Variants in ZNF487 observed in about 807,000 individuals in gnomAD.
The protein encoded by ZNF487 is zinc finger protein 487.
In ZNF487, 4 loss-of-function variants were observed where a neutral mutation model predicts 3.0. The observed-to-expected ratio is 1.35, with a 90% CI of 0.66 to 3.08. ZNF487 has a LOEUF of 3.08. Ranked by LOEUF, ZNF487 falls within the 30% of genes most tolerant of loss-of-function variation. The pLI is 0.01. For missense variants in ZNF487, 146 were observed against 98.7 expected (o/e 1.48, Z -2.03); for synonymous variants, 55 against 34.6 (o/e 1.59, Z -2.06).
At chr10:43,518,935 C>T in the ZNF487 span, among the ~76,000 whole-genome samples, 1 of 152,162 alleles carries the variant, frequency 6.6e-6, no homozygotes, top group Non-Finnish European at 1.5e-5. Context: ...TTCTAACTTT[C>T]TCAATACAGC....
intron 1 of ZNF487, among the ~76,000 whole-genome samples, chr10:43,463,335 T>G (rs566097936): frequency 6.6e-6 from 1 of 152,090 alleles, no homozygotes; most frequent in Admixed American, 6.6e-5. Flanking sequence ...GTCATTAGTT[T>G]GAGACCAGCC....
the ZNF487 span, among the ~76,000 whole-genome samples, chr10:43,497,792 C>T: frequency 1.7e-4 from 25 of 151,280 alleles, no homozygotes; most frequent in African/African-American, 5.8e-4. Flanking sequence ...ACGGTGAAAC[C>T]CCATCTCTAC....
intron 3 of ZNF487, among the ~76,000 whole-genome samples, chr10:43,477,354 CTGACTAATTTT>C (rs1201926602): frequency 1.3e-5 from 2 of 151,860 alleles, no homozygotes; most frequent in Non-Finnish European, 2.9e-5. Flanking sequence ...ATCACCACGC[CTGACTAATTTT>C]TGTATTTTTA....
chr10:43,465,100 C>G (rs1490720799), intron 1 of ZNF487, among the ~76,000 whole-genome samples: 4 of 146,940 alleles, frequency 2.7e-5, no homozygotes, highest in African/African-American at 1.0e-4. Flanking sequence ...GGGCTGACCC[C>G]CCCACCTCCC....
intron 1 of ZNF487, among the ~76,000 whole-genome samples, chr10:43,463,664 G>A (rs1166554120): frequency 6.6e-6 from 1 of 151,134 alleles, no homozygotes; most frequent in African/African-American, 2.4e-5. Flanking sequence ...CTCTGGGACT[G>A]TAGGCACGAG....
chr10:43,483,102 C>A lies in ZNF487; in HGVS notation c.*1180C>A, dbSNP rs1841426822. On this transcript the variant is annotated 3_prime_UTR_variant, in exon 4 of 4. Coordinates refer to ENST00000437590, the MANE Select transcript of ZNF487 (RefSeq NM_001355444.3). ...CATCCTGAAGGCTCAGAAACCTTCA[C>A]CTTCTTGGACTCGTTCCATAGCAGA... 2.2e-6 allele frequency: 1 copy of A among 456,634 alleles called. No individual in the cohort carries two copies. Among genetic ancestry groups the A allele is most frequent in the African/African-American group, 2.0e-5 (1 of 50,082 alleles). The allele number at this position is 456,634 out of a possible 1,614,324, so 28.3% of individuals were successfully genotyped here.
intron 3 of ZNF487, among the ~76,000 whole-genome samples, chr10:43,481,025 A>C (rs4379781): frequency 6.6e-6 from 1 of 152,096 alleles, no homozygotes; most frequent in Admixed American, 6.6e-5. Flanking sequence ...TAATCTCAGC[A>C]CTTTGGGAGC....
At chr10:43,511,304 A>G in the ZNF487 span, among the ~76,000 whole-genome samples, 3 of 152,184 alleles carry the variant, frequency 2.0e-5, no homozygotes, top group Admixed American at 1.3e-4. Flanking sequence ...TTCCATGAGC[A>G]TGAGCCCACT....
At chr10:43,523,776 C>T in the ZNF487 span, 1 of 152,160 alleles carries the variant, frequency 6.6e-6, no homozygotes, top group African/African-American at 2.4e-5. Context: ...TCCAAACCTC[C>T]TTGTTCATCA....
chr10:43,447,335 C>A (rs760740415), intron 1 of ZNF487, among the ~76,000 whole-genome samples: 1 of 151,962 alleles, frequency 6.6e-6, no homozygotes, highest in Non-Finnish European at 1.5e-5. Flanking sequence ...CTCCACCTCA[C>A]GGATTCAAGT....
intron 1 of ZNF487, among the ~76,000 whole-genome samples, chr10:43,454,818 T>C (rs1840117182): frequency 6.6e-6 from 1 of 151,842 alleles, no homozygotes; most frequent in African/African-American, 2.4e-5. Flanking sequence ...TAGTACTTGA[T>C]TATGCAGGGA....
chr10:43,482,337 G>T lies in ZNF487; in HGVS notation c.*415G>T. The T allele has an allele frequency of 2.3e-6, 1 of 436,656 alleles. No homozygotes were observed. 27.0% of individuals were successfully genotyped at this position (436,656 alleles called of 1,614,324 possible). A position where few individuals can be genotyped will look rare whatever the true frequency, so the allele number is the denominator to read the frequency against. ...ACAGAAGAAAAACTCTATGAATGTA[G>T]TGAATGTGGGAAAACCTTCAGCCAT... is the stretch of plus-strand genomic sequence containing the variant. On this transcript the variant is annotated 3_prime_UTR_variant, in exon 4 of 4. Coordinates refer to ENST00000437590, the MANE Select transcript of ZNF487 (RefSeq NM_001355444.3).
At chr10:43,444,504 G>A (rs1022315019) in intron 1 of ZNF487, among the ~76,000 whole-genome samples, 7 of 152,116 alleles carry the variant, frequency 4.6e-5, no homozygotes, top group African/African-American at 1.4e-4. Context: ...GTTGCCGGGC[G>A]TGGTGGCTTT....
intron 1 of ZNF487, among the ~76,000 whole-genome samples, chr10:43,464,196 T>C (rs1254914719): frequency 1.3e-5 from 2 of 150,452 alleles, no homozygotes; most frequent in African/African-American, 2.4e-5. Context: ...TTTTTTTTTT[T>C]GTTTTGAGAC....
chr10:43,439,282 C>T (rs1451046979), intron 1 of ZNF487, among the ~76,000 whole-genome samples: 1 of 151,968 alleles, frequency 6.6e-6, no homozygotes, highest in African/African-American at 2.4e-5. Flanking sequence ...TGCCTGTAGT[C>T]CTAGCTACTC....
intron 1 of ZNF487, among the ~76,000 whole-genome samples, chr10:43,465,181 G>A (rs1483964182): frequency 6.7e-6 from 1 of 149,672 alleles, no homozygotes; most frequent in South Asian, 2.1e-4. Flanking sequence ...GCGGCTGGCC[G>A]GGCGGGGGGC....
At chr10:43,485,111 C>T (rs1293578204), downstream of ZNF487, among the ~76,000 whole-genome samples, 1 of 152,182 alleles carries the variant, frequency 6.6e-6, no homozygotes, top group Non-Finnish European at 1.5e-5. Flanking sequence ...CCTCCTCTTT[C>T]CCAGCATTAC....
the ZNF487 span, among the ~76,000 whole-genome samples, chr10:43,498,109 T>G: frequency 1.1e-4 from 1 of 9,414 alleles, no homozygotes; most frequent in African/African-American, 4.3e-4. Flanking sequence ...ATTTTTTTTT[T>G]TTTTCTTTTT....
chr10:43,513,009 T>C, the ZNF487 span, among the ~76,000 whole-genome samples: 1 of 152,250 alleles, frequency 6.6e-6, no homozygotes, highest in Non-Finnish European at 1.5e-5. Flanking sequence ...GTTTTATTTC[T>C]CATCCTCTGG....
Sources: gnomAD v4.1 joint callset for allele counts (sites outside exome capture counted in the v4.1 genomes callset) on GRCh38, gnomAD v4.1.1 for gene constraint, MANE v1.5 for transcripts, NCBI Gene and HGNC (gene_info 2026-07-23, HGNC 2026-07-21) for gene names.